Variants in ROBO2 observed in about 807,000 individuals in gnomAD.
ROBO2 encodes the protein roundabout homolog 2.
ROBO2 carries 53 observed loss-of-function variants against 160.8 expected under a neutral mutation model. The ratio of observed to expected loss-of-function variants is 0.33; its 90% CI spans 0.26 to 0.41. The LOEUF is 0.41. Among genes scored for constraint, ROBO2 ranks in the 10% least tolerant of loss-of-function variants. The pLI, the probability that ROBO2 is intolerant of heterozygous loss-of-function variation, is 1.00. For missense variants in ROBO2, 1,577 were observed against 1,722.4 expected (o/e 0.92, Z 1.49); for synonymous variants, 664 against 611.7 (o/e 1.09, Z -1.26).
intron 2 of ROBO2, among the ~76,000 whole-genome samples, chr3:76,695,857 A>G (rs988420294): frequency 3.3e-5 from 5 of 152,194 alleles, no homozygotes; most frequent in Admixed American, 6.5e-5. Context: ...TAATCACTAT[A>G]ATACACTGCC....
intron 2 of ROBO2, among the ~76,000 whole-genome samples, chr3:76,714,395 A>G (rs978275771): frequency 3.9e-5 from 6 of 152,136 alleles, no homozygotes; most frequent in African/African-American, 1.4e-4. Context: ...ATTATTTACA[A>G]TTGGTCTGAA....
intron 2 of ROBO2, among the ~76,000 whole-genome samples, chr3:76,609,771 G>C (rs1248319578): frequency 6.6e-6 from 1 of 152,124 alleles, no homozygotes; most frequent in Non-Finnish European, 1.5e-5. Context: ...TAACAGTGTT[G>C]AAAGTGGACA....
At chr3:76,258,125 T>G (rs1460775450) in intron 2 of ROBO2, among the ~76,000 whole-genome samples, 1 of 152,076 alleles carries the variant, frequency 6.6e-6, no homozygotes, top group Non-Finnish European at 1.5e-5. Flanking sequence ...CCTCTTCTTT[T>G]GTATTAAGCG....
intron 2 of ROBO2, among the ~76,000 whole-genome samples, chr3:75,948,413 T>TA (rs1948405194): frequency 6.6e-6 from 1 of 152,104 alleles, no homozygotes; most frequent in South Asian, 2.1e-4. Flanking sequence ...ACTTTTCTGA[T>TA]AACTTAATTT....
In ROBO2 at chr3:77,117,874, A is replaced by T. The variant is rs1359344928; in HGVS notation, c.388+19534A>T. Among the ~76,000 whole-genome samples the T allele has an allele frequency of 2.0e-5, 3 of 152,176 alleles. No individual in the cohort carries two copies. In the East Asian group the frequency reaches 5.8e-4, roughly 29 times the overall value. On this transcript the variant is annotated intron_variant, in intron 2 of 25. Transcript: ENST00000461745. Reference sequence around the variant, plus strand: ...AAAAATATTTTTGAAGCTAAAAATTATTCTTAATCTTCATATGATGCATTT... The same window carrying T: ...AAAAATATTTTTGAAGCTAAAAATTTTTCTTAATCTTCATATGATGCATTT...
intron 2 of ROBO2, among the ~76,000 whole-genome samples, chr3:77,347,303 C>T (rs1186686148): frequency 2.0e-5 from 3 of 151,992 alleles, no homozygotes; most frequent in African/African-American, 4.8e-5. Flanking sequence ...CAAAACAATA[C>T]GAATTAAATA....
chr3:77,336,514 CT>C (rs532539144), intron 2 of ROBO2, among the ~76,000 whole-genome samples: 128 of 145,824 alleles, frequency 8.8e-4, no homozygotes, highest in East Asian at 3.4e-3. Context: ...CTTCCTCTTT[CT>C]TTTTTTTTTT....
chr3:77,517,130 A>T (rs2090107230), intron 5 of ROBO2, among the ~76,000 whole-genome samples: 1 of 151,730 alleles, frequency 6.6e-6, no homozygotes, highest in African/African-American at 2.4e-5. Context: ...TTAAAAAGTG[A>T]CAAAAGAAAG....
intron 2 of ROBO2, among the ~76,000 whole-genome samples, chr3:76,106,419 A>G (rs891922304): frequency 1.3e-5 from 2 of 152,176 alleles, no homozygotes; most frequent in Admixed American, 6.6e-5. Flanking sequence ...AAGAAAATAT[A>G]CATGTATATA....
intron 2 of ROBO2, among the ~76,000 whole-genome samples, chr3:76,225,344 T>C (rs1270213724): frequency 6.6e-6 from 1 of 152,228 alleles, no homozygotes; most frequent in African/African-American, 2.4e-5. Flanking sequence ...TATTAATTTT[T>C]TATGTCGTAG....
chr3:76,707,975 G>C (rs148720206), intron 2 of ROBO2, among the ~76,000 whole-genome samples: 10 of 152,134 alleles, frequency 6.6e-5, no homozygotes, highest in Admixed American at 3.3e-4. Context: ...GAGAAAAAGA[G>C]AAGATTTGTC....
At chr3:77,107,120 C>T (rs772605962) in intron 2 of ROBO2, among the ~76,000 whole-genome samples, 1 of 152,176 alleles carries the variant, frequency 6.6e-6, no homozygotes, top group Non-Finnish European at 1.5e-5. Flanking sequence ...GAGGCCCCAC[C>T]TCCTGGTTCA....
At chr3:76,085,110 TATATATAC>T (rs758379100) in intron 2 of ROBO2, among the ~76,000 whole-genome samples, 2 of 144,002 alleles carry the variant, frequency 1.4e-5, no homozygotes, top group Non-Finnish European at 3.0e-5. Flanking sequence ...TACATATATA[TATATATAC>T]ACACACACAC....
chr3:76,904,705 G>T (rs1230399793), intron 2 of ROBO2, among the ~76,000 whole-genome samples: 2 of 152,056 alleles, frequency 1.3e-5, no homozygotes, highest in Non-Finnish European at 2.9e-5. Flanking sequence ...TCTTAGTTTG[G>T]TCCTGAATCC....
chr3:76,310,470 G>T (rs187907617), intron 2 of ROBO2, among the ~76,000 whole-genome samples: 28 of 152,178 alleles, frequency 1.8e-4, no homozygotes, highest in African/African-American at 6.5e-4. Context: ...CTGCAACTAC[G>T]TATTGAGAAC....
In ROBO2 at chr3:76,065,496, T is replaced by C. The variant is rs80314476; in HGVS notation, c.109+127894T>C. Among the ~76,000 whole-genome samples the C allele has an allele frequency of 4.4e-3, 668 of 152,092 alleles. 4 individuals are homozygous for C. Among genetic ancestry groups the C allele is most frequent in the African/African-American group, 0.016 (646 of 41,540 alleles). On this transcript the variant is annotated intron_variant, in intron 2 of 26. Transcript: ENST00000487694. ...GCCACTAATTAACTGTATTTTGCAC[T>C]GTAAGAAACAAAATCTTTGGCAAAT...
At chr3:77,541,158 T>C (rs1019346759) in intron 6 of ROBO2, among the ~76,000 whole-genome samples, 4 of 152,238 alleles carry the variant, frequency 2.6e-5, no homozygotes, top group African/African-American at 9.6e-5. Context: ...CATGACTGTA[T>C]TCACCCTGTG....
chr3:75,969,156 A>C (rs929163217), intron 2 of ROBO2, among the ~76,000 whole-genome samples: 4 of 148,454 alleles, frequency 2.7e-5, no homozygotes, highest in African/African-American at 9.8e-5. Context: ...TTATATTATT[A>C]TTACAGAGTT....
chr3:76,838,781 GTGAATAC>G (rs5745838), intron 2 of ROBO2, among the ~76,000 whole-genome samples: 19,340 of 151,960 alleles, frequency 0.13, 1,364 homozygotes, highest in East Asian at 0.24. Flanking sequence ...TCTACCCTTG[GTGAATAC>G]TGAATAGGCT....
Sources: gnomAD v4.1 joint callset for allele counts (sites outside exome capture counted in the v4.1 genomes callset) on GRCh38, gnomAD v4.1.1 for gene constraint, MANE v1.5 for transcripts, NCBI Gene and HGNC (gene_info 2026-07-23, HGNC 2026-07-21) for gene names.